Variants in SAMD3 observed in about 807,000 individuals in gnomAD.
SAMD3 encodes the protein sterile alpha motif domain-containing protein 3.
A neutral mutation model predicts 58.5 loss-of-function variants in SAMD3; 63 were observed. The ratio of observed to expected loss-of-function variants is 1.08; its 90% CI spans 0.88 to 1.33. The LOEUF (loss-of-function observed/expected upper bound fraction) is 1.33, where lower values mean the gene tolerates loss of function less well. Ranked by LOEUF, SAMD3 falls within the 40% of genes most tolerant of loss-of-function variation. The probability of loss-of-function intolerance (pLI) is 0.00; values close to 1 mark genes in which losing one functional copy is unlikely to be tolerated. For synonymous variants in SAMD3, 220 were observed against 210.3 expected (o/e 1.05, Z -0.40); for missense variants, 604 against 608.4 (o/e 0.99, Z 0.08).
At chr6:130,224,646 T>C (rs920988647), upstream of SAMD3, among the ~76,000 whole-genome samples, 1 of 150,184 alleles carries the variant, frequency 6.7e-6, no homozygotes, top group African/African-American at 2.4e-5. Flanking sequence ...TGAGATGGAG[T>C]CTCCCTTTGT....
intron 7 of SAMD3, among the ~76,000 whole-genome samples, chr6:130,182,228 T>C (rs529233991): frequency 6.6e-6 from 1 of 150,994 alleles, no homozygotes; most frequent in African/African-American, 2.4e-5. Flanking sequence ...TGTGTAGTAT[T>C]GTTGTTGTTG....
intron 2 of SAMD3, among the ~76,000 whole-genome samples, chr6:130,256,155 T>C (rs1378459039): frequency 1.3e-5 from 2 of 151,466 alleles, no homozygotes; most frequent in Admixed American, 6.6e-5. Context: ...TAGATAAAGA[T>C]GCACACTGGA....
intron 2 of SAMD3, among the ~76,000 whole-genome samples, chr6:130,301,738 A>G (rs1775756163): frequency 1.3e-5 from 2 of 152,036 alleles, no homozygotes; most frequent in South Asian, 4.1e-4. Context: ...ACAAACAAAC[A>G]AACAAAAACC....
At chr6:130,362,497 AT>A (rs1309459481) in intron 1 of SAMD3, among the ~76,000 whole-genome samples, 3 of 152,190 alleles carry the variant, frequency 2.0e-5, no homozygotes, top group Non-Finnish European at 4.4e-5. Context: ...TTAAAAAGTA[AT>A]TTTTGGATTT....
At chr6:130,143,054 G>C (rs1243096949), downstream of SAMD3, 3 of 152,162 alleles carry the variant, frequency 2.0e-5, no homozygotes, top group Admixed American at 6.5e-5. Flanking sequence ...AGTGATTGTA[G>C]AAATGGGCAA....
Position 130,145,327 on chromosome 6 carries a change from A to G in SAMD3, c.1278+13T>C. On this transcript the variant is annotated intron_variant, in intron 11 of 11. Transcript: ENST00000439090. ...TAAAATGTCAAACTAGTGGCCATTCACATACTACATACCTGTTCATTCATG... is the reference window on the plus strand; with the variant it reads ...TAAAATGTCAAACTAGTGGCCATTCGCATACTACATACCTGTTCATTCATG... 6.9e-7 allele frequency: 1 copy of G among 1,450,754 alleles called. No homozygotes were observed. The highest frequency in any genetic ancestry group is 9.4e-7 in the Non-Finnish European group (1 of 1,064,356). 89.9% of individuals were successfully genotyped at this position (1,450,754 alleles called of 1,614,324 possible). A position where few individuals can be genotyped will look rare whatever the true frequency, so the allele number is the denominator to read the frequency against.
intron 1 of SAMD3, among the ~76,000 whole-genome samples, chr6:130,219,182 A>T (rs1796120395): frequency 6.6e-6 from 1 of 152,182 alleles, no homozygotes; most frequent in Non-Finnish European, 1.5e-5. Flanking sequence ...CAAAACTATT[A>T]ATTTTTTTCA....
exon 1 of SAMD3, chr6:130,365,416 C>A: frequency 2.0e-6 from 2 of 985,442 alleles, no homozygotes; most frequent in Non-Finnish European, 2.4e-6. Context: ...GGGCCTTGGC[C>A]GCGTCTTTTC....
intron 1 of SAMD3, among the ~76,000 whole-genome samples, chr6:130,320,158 C>T (rs1776537139): frequency 6.6e-6 from 1 of 152,020 alleles, no homozygotes; most frequent in African/African-American, 2.4e-5. Flanking sequence ...AAACGCATAT[C>T]TAATAAAAGA....
chr6:130,326,074 A>C (rs1434161004), intron 1 of SAMD3, among the ~76,000 whole-genome samples: 1 of 152,226 alleles, frequency 6.6e-6, no homozygotes, highest in East Asian at 1.9e-4. Context: ...GGAATGAATA[A>C]ATGATGAATA....
rs191549839 is a variant in SAMD3, at chr6:130,186,831, T to C, written c.384-2208A>G. On this transcript the variant is annotated intron_variant, in intron 5 of 11. Transcript: ENST00000439090. ...TGTCACCCAGGCTGGAGTGCAGTGG[T>C]GCAATCTCGGCTCACTGCAACCTCC... Among the ~76,000 whole-genome samples, 350 of 140,696 alleles carry C rather than the reference T, an allele frequency of 2.5e-3. 2 individuals carry two copies. The highest frequency in any genetic ancestry group is 0.013 in the Middle Eastern group (3 of 236). The allele number at this position is 140,696 out of a possible 152,430, so 92.3% of individuals were successfully genotyped here.
rs3029958 is a variant in SAMD3 at position 130,358,726 on chromosome 6, TACACACACACAC to T, written c.-304+6382_-304+6393del. Among the ~76,000 whole-genome samples, 814 of 144,696 alleles carry T rather than the reference TACACACACACAC, an allele frequency of 5.6e-3. 7 individuals are homozygous for T. The highest frequency in any genetic ancestry group is 0.019 in the African/African-American group (777 of 39,870). 94.9% of individuals were successfully genotyped at this position (144,696 alleles called of 152,430 possible). A position where few individuals can be genotyped will look rare whatever the true frequency, so the allele number is the denominator to read the frequency against. ...TTTTTGTGTATATCCCACTATGTCT[TACACACACACAC>T]ACACACACACACACACACACACATT... is the stretch of plus-strand genomic sequence containing the variant. On this transcript the variant is annotated intron_variant, in intron 1 of 13. Coordinates refer to the SAMD3 transcript ENST00000368134.
At chr6:130,266,198 C>A (rs1334161029) in intron 2 of SAMD3, among the ~76,000 whole-genome samples, 2 of 152,114 alleles carry the variant, frequency 1.3e-5, no homozygotes, top group Admixed American at 6.5e-5. Context: ...TTATTTCAAA[C>A]CTTCTATGAT....
At chr6:130,227,204 A>G (rs919151325), upstream of SAMD3, among the ~76,000 whole-genome samples, 6 of 152,226 alleles carry the variant, frequency 3.9e-5, no homozygotes, top group Non-Finnish European at 8.8e-5. Context: ...GGTATGCCAT[A>G]TAAGTGGAAT....
rs765499029 is a variant in SAMD3, at chr6:130,215,277, T to C, written c.-4A>G. ...GCTCAACTGACCAGGTTTCCATTGCTGTCTCCTGTAAATACACCTGTAGAG... is the reference window on the plus strand; with the variant it reads ...GCTCAACTGACCAGGTTTCCATTGCCGTCTCCTGTAAATACACCTGTAGAG... On this transcript the variant is annotated 5_prime_UTR_variant, in exon 3 of 12. Transcript: ENST00000439090. 1 of 1,606,940 alleles carries C rather than the reference T, an allele frequency of 6.2e-7. No homozygotes were observed.
At chr6:130,227,512 G>T (rs1412971837), upstream of SAMD3, among the ~76,000 whole-genome samples, 1 of 152,150 alleles carries the variant, frequency 6.6e-6, no homozygotes, top group Non-Finnish European at 1.5e-5. Flanking sequence ...ATCTTGCCAG[G>T]CACGGTGGCT....
At chr6:130,231,814 T>G (rs1174189568) in intron 2 of SAMD3, among the ~76,000 whole-genome samples, 1 of 152,050 alleles carries the variant, frequency 6.6e-6, no homozygotes, top group Non-Finnish European at 1.5e-5. Flanking sequence ...TATAGTTTGT[T>G]TTTTTTTCCC....
chr6:130,329,192 G>T (rs1173044075), intron 1 of SAMD3, among the ~76,000 whole-genome samples: 1 of 150,966 alleles, frequency 6.6e-6, no homozygotes, highest in Non-Finnish European at 1.5e-5. Flanking sequence ...TCTTTGGTAT[G>T]GTGGCTACCA....
chr6:130,356,142 A>C (rs917996280), intron 1 of SAMD3, among the ~76,000 whole-genome samples: 3 of 152,176 alleles, frequency 2.0e-5, no homozygotes, highest in Non-Finnish European at 4.4e-5. Context: ...TTGGTTTCCC[A>C]TCAAACCTAT....
Sources: allele counts gnomAD v4.1 joint callset (sites outside exome capture counted in the v4.1 genomes callset), GRCh38; gene constraint gnomAD v4.1.1; transcripts MANE v1.5; gene names NCBI Gene and HGNC (gene_info 2026-07-23, HGNC 2026-07-21).